Variants in DPYD observed in about 807,000 individuals in gnomAD.
DPYD encodes dihydropyrimidine dehydrogenase [NADP(+)].
A neutral mutation model predicts 116.2 loss-of-function variants in DPYD; 109 were observed. That is an observed-to-expected ratio of 0.94 (90% CI 0.80 to 1.10). The LOEUF (loss-of-function observed/expected upper bound fraction) is 1.10. Among genes scored for constraint, DPYD ranks in the 50% least tolerant of loss-of-function variants. The pLI is 0.00. For synonymous variants in DPYD, 440 were observed against 432.0 expected (o/e 1.02, Z -0.23); for missense variants, 1,302 against 1,254.5 (o/e 1.04, Z -0.57).
At chr1:97,666,777 G>C (rs1659586546) in intron 8 of DPYD, among the ~76,000 whole-genome samples, 2 of 151,946 alleles carry the variant, frequency 1.3e-5, no homozygotes, top group Admixed American at 1.3e-4. Flanking sequence ...AAATAATCAG[G>C]GATAGCTATC....
chr1:97,536,123 A>G (rs1356611572), intron 12 of DPYD, among the ~76,000 whole-genome samples: 1 of 152,206 alleles, frequency 6.6e-6, no homozygotes, highest in African/African-American at 2.4e-5. Context: ...TTCTGGTACT[A>G]GTTAAGTCTA....
intron 19 of DPYD, among the ~76,000 whole-genome samples, chr1:97,193,915 A>C (rs1267396025): frequency 6.6e-6 from 1 of 152,156 alleles, no homozygotes; most frequent in Non-Finnish European, 1.5e-5. Flanking sequence ...CTCATGGTAA[A>C]TGTCCCTTCT....
At chr1:97,605,754 A>G (rs1412380835) in intron 8 of DPYD, among the ~76,000 whole-genome samples, 1 of 152,136 alleles carries the variant, frequency 6.6e-6, no homozygotes, top group East Asian at 1.9e-4. Flanking sequence ...ATATCTCAAT[A>G]GTATGATAAT....
intron 11 of DPYD, among the ~76,000 whole-genome samples, chr1:97,565,618 A>G (rs907233993): frequency 4.6e-5 from 7 of 151,664 alleles, no homozygotes; most frequent in African/African-American, 1.7e-4. Flanking sequence ...TAACAGGAAA[A>G]CTCCTACTCA....
At chr1:97,104,950 C>T (rs897343726) in intron 20 of DPYD, among the ~76,000 whole-genome samples, 2 of 152,080 alleles carry the variant, frequency 1.3e-5, no homozygotes, top group Admixed American at 6.6e-5. Flanking sequence ...AAGTGCTGTG[C>T]AGGTGCTGGG....
rs56199931 is a variant in DPYD at position 97,477,604 on chromosome 1, C to CTTTTTTTTT, written c.1741-27390_1741-27382dup. 6.2e-5 allele frequency among the ~76,000 whole-genome samples: 7 copies of CTTTTTTTTT among 113,652 alleles called. 1 individual carries two copies. Among genetic ancestry groups the CTTTTTTTTT allele is most frequent in the African/African-American group, 2.4e-4 (7 of 29,558 alleles). 74.6% of individuals were successfully genotyped at this position (113,652 alleles called of 152,430 possible). On this transcript the variant is annotated intron_variant, in intron 13 of 22. Coordinates refer to ENST00000370192, the MANE Select transcript of DPYD (RefSeq NM_000110.4). ...CTGACCTCCTTCCATGACTGTTCTTCTTTTTTTTTTTTTTTTTTTTTTTTT... is the reference window on the plus strand; with the variant it reads ...CTGACCTCCTTCCATGACTGTTCTTCTTTTTTTTTTTTTTTTTTTTTTTTTTTTTTTTTT...
At chr1:97,485,915 T>C (rs1406451380) in intron 13 of DPYD, among the ~76,000 whole-genome samples, 4 of 152,224 alleles carry the variant, frequency 2.6e-5, no homozygotes, top group Non-Finnish European at 5.9e-5. Context: ...ATATATACTG[T>C]AGTTTTAAAA....
intron 19 of DPYD, among the ~76,000 whole-genome samples, chr1:97,211,473 G>A (rs569803545): frequency 1.3e-5 from 2 of 152,242 alleles, no homozygotes; most frequent in African/African-American, 2.4e-5. Context: ...TTTGCTGAAT[G>A]AATAGAAATT....
At chr1:97,861,748 C>T (rs1395569376) in intron 2 of DPYD, among the ~76,000 whole-genome samples, 1 of 151,756 alleles carries the variant, frequency 6.6e-6, no homozygotes, top group South Asian at 2.1e-4. Flanking sequence ...TACACCCCAA[C>T]GTGAACCAAA....
chr1:97,688,342 T>C (rs1660843294), intron 7 of DPYD, among the ~76,000 whole-genome samples: 1 of 152,140 alleles, frequency 6.6e-6, no homozygotes, highest in Non-Finnish European at 1.5e-5. Flanking sequence ...ATGACATATT[T>C]TTATTGTATA....
chr1:97,858,830 A>T (rs1451724489), intron 2 of DPYD, among the ~76,000 whole-genome samples: 4 of 152,158 alleles, frequency 2.6e-5, no homozygotes, highest in Admixed American at 2.6e-4. Context: ...ATATATGCTT[A>T]ATGAATATAT....
intron 8 of DPYD, among the ~76,000 whole-genome samples, chr1:97,597,881 G>A (rs1181404928): frequency 6.6e-6 from 1 of 151,988 alleles, no homozygotes; most frequent in African/African-American, 2.4e-5. Flanking sequence ...GGAGAACCCT[G>A]AAATTGATTT....
At chr1:97,440,908 T>A (rs750357848) in intron 14 of DPYD, among the ~76,000 whole-genome samples, 1 of 151,714 alleles carries the variant, frequency 6.6e-6, no homozygotes, top group Non-Finnish European at 1.5e-5. Flanking sequence ...GCTTGAAAAA[T>A]TATTTATTTC....
intron 12 of DPYD, among the ~76,000 whole-genome samples, chr1:97,545,151 G>T (rs1343351050): frequency 6.6e-6 from 1 of 152,116 alleles, no homozygotes; most frequent in East Asian, 1.9e-4. Context: ...GGTAAATACA[G>T]CTATGTACCG....
chr1:97,695,602 T>C (rs1245702574), intron 6 of DPYD, among the ~76,000 whole-genome samples: 1 of 151,196 alleles, frequency 6.6e-6, no homozygotes, highest in Non-Finnish European at 1.5e-5. Flanking sequence ...GATATATATA[T>C]ATACTGAAGG....
intron 3 of DPYD, among the ~76,000 whole-genome samples, chr1:97,769,233 A>G (rs1207322284): frequency 6.6e-6 from 1 of 152,160 alleles, no homozygotes; most frequent in Non-Finnish European, 1.5e-5. Context: ...ATTCTTTGGC[A>G]TAATGATTTT....
intron 16 of DPYD, among the ~76,000 whole-genome samples, chr1:97,327,261 A>G (rs1355131857): frequency 6.6e-6 from 1 of 152,060 alleles, no homozygotes; most frequent in Non-Finnish European, 1.5e-5. Flanking sequence ...CAACAGATAC[A>G]GTAGACTCTG....
chr1:97,367,109 C>T (rs778596181), intron 16 of DPYD, among the ~76,000 whole-genome samples: 15 of 151,990 alleles, frequency 9.9e-5, no homozygotes, highest in Non-Finnish European at 1.9e-4. Context: ...GACTTTATTT[C>T]CCAGGGGAAA....
chr1:97,410,119 C>T (rs1673899766), intron 14 of DPYD, among the ~76,000 whole-genome samples: 1 of 151,544 alleles, frequency 6.6e-6, no homozygotes, highest in Non-Finnish European at 1.5e-5. Context: ...CAAACGACCT[C>T]CTCCCAGCTC....
Sources: gnomAD v4.1 joint callset for allele counts (sites outside exome capture counted in the v4.1 genomes callset) on GRCh38, gnomAD v4.1.1 for gene constraint, MANE v1.5 for transcripts, NCBI Gene and HGNC (gene_info 2026-07-23, HGNC 2026-07-21) for gene names.